The following ZFR variants were observed in gnomAD, a reference collection of about 807,000 sequenced individuals.
ZFR encodes zinc finger RNA-binding protein.
A neutral mutation model predicts 130.7 loss-of-function variants in ZFR; 19 were observed. That is an observed-to-expected ratio of 0.15 (90% CI 0.10 to 0.21). ZFR has a LOEUF of 0.21. Ranked by LOEUF, ZFR falls within the 10% of genes least tolerant of loss-of-function variation. ZFR has a pLI of 1.00. For synonymous variants in ZFR, 466 were observed against 456.9 expected (o/e 1.02, Z -0.25); for missense variants, 872 against 1,321.5 (o/e 0.66, Z 5.27).
At chr5:32,442,516 C>T (rs1232425245) in intron 2 of ZFR, among the ~76,000 whole-genome samples, 2 of 152,228 alleles carry the variant, frequency 1.3e-5, no homozygotes, top group Non-Finnish European at 2.9e-5. Context: ...AAACGATTTG[C>T]TAATACTTGA....
intron 2 of ZFR, among the ~76,000 whole-genome samples, chr5:32,431,747 C>T (rs1293211951): frequency 7.1e-6 from 1 of 141,628 alleles, no homozygotes; most frequent in East Asian, 2.2e-4. Context: ...ATTTAAATGT[C>T]TTTAAATTAG....
chr5:32,402,881 C>T (rs1753491555), intron 8 of ZFR, among the ~76,000 whole-genome samples: 1 of 149,752 alleles, frequency 6.7e-6, no homozygotes, highest in Non-Finnish European at 1.5e-5. Context: ...TTTTAAATGA[C>T]TAGAGGAAGA....
chr5:32,413,372 T>C (rs564878832), intron 5 of ZFR, among the ~76,000 whole-genome samples: 2 of 152,322 alleles, frequency 1.3e-5, no homozygotes, highest in African/African-American at 4.8e-5. Flanking sequence ...AATGCATTTT[T>C]ATAAACCGTA....
At chr5:32,438,331 TTGG>T (rs1754389186) in intron 2 of ZFR, among the ~76,000 whole-genome samples, 5 of 144,332 alleles carry the variant, frequency 3.5e-5, no homozygotes, top group Non-Finnish European at 7.5e-5. Context: ...TGGCGCGATC[TTGG>T]CTCACCGCAA....
chr5:32,369,294 C>A (rs1581680519), intron 17 of ZFR, among the ~76,000 whole-genome samples: 2 of 152,020 alleles, frequency 1.3e-5, no homozygotes, highest in Non-Finnish European at 2.9e-5. Context: ...TCAGCAACAG[C>A]CGGGAGAACT....
At chr5:32,418,686 C>A (rs953502610) in intron 3 of ZFR, among the ~76,000 whole-genome samples, 1 of 152,134 alleles carries the variant, frequency 6.6e-6, no homozygotes, top group Admixed American at 6.5e-5. Flanking sequence ...CATTTAGTAA[C>A]CTGCCTAAAA....
chr5:32,399,725 A>G (rs1019304669), intron 9 of ZFR, among the ~76,000 whole-genome samples: 1 of 152,240 alleles, frequency 6.6e-6, no homozygotes, highest in East Asian at 1.9e-4. Context: ...TGAAGGATGT[A>G]TTACAAGAAT....
intron 17 of ZFR, among the ~76,000 whole-genome samples, chr5:32,367,233 A>T (rs1752566696): frequency 6.6e-6 from 1 of 152,002 alleles, no homozygotes; most frequent in African/African-American, 2.4e-5. Flanking sequence ...GAGGAGTTTG[A>T]GACCAGCCTG....
intron 10 of ZFR, among the ~76,000 whole-genome samples, chr5:32,396,329 G>C (rs1365771933): frequency 1.3e-5 from 2 of 151,998 alleles, no homozygotes; most frequent in Non-Finnish European, 2.9e-5. Flanking sequence ...TCTATGTTGG[G>C]GTTAAAAAGT....
At chr5:32,359,346 T>C (rs1752380777) in intron 19 of ZFR, among the ~76,000 whole-genome samples, 1 of 152,022 alleles carries the variant, frequency 6.6e-6, no homozygotes, top group Non-Finnish European at 1.5e-5. Context: ...ATCATTAGTG[T>C]CAGTGTATTT....
rs189220481 is a variant in ZFR at position 32,440,293 on chromosome 5, C to T, written c.137+3936G>A. 1.0e-3 allele frequency among the ~76,000 whole-genome samples: 153 copies of T among 152,252 alleles called. 1 individual carries two copies. The highest frequency in any genetic ancestry group is 3.5e-3 in the African/African-American group (147 of 41,536). ...CCTCAAATTAACATGCTATCAGAAACGTACACATGTAAACACATACAAACG... is the reference window on the plus strand; with the variant it reads ...CCTCAAATTAACATGCTATCAGAAATGTACACATGTAAACACATACAAACG... On this transcript the variant is annotated intron_variant, in intron 2 of 19. Coordinates refer to ENST00000265069, the MANE Select transcript of ZFR (RefSeq NM_016107.5).
intron 2 of ZFR, among the ~76,000 whole-genome samples, chr5:32,432,668 A>G (rs1165670813): frequency 1.3e-5 from 2 of 151,976 alleles, no homozygotes; most frequent in Non-Finnish European, 2.9e-5. Flanking sequence ...TGCTCCCATT[A>G]TCTTTGCAAT....
intron 19 of ZFR, 65 bp downstream of exon 19, chr5:32,363,875 TTAAGACAA>T: frequency 7.9e-7 from 1 of 1,267,170 alleles, no homozygotes; most frequent in African/African-American, 1.5e-5. Flanking sequence ...ATAATATTCC[TTAAGACAA>T]TAACAGAAAA....
intron 3 of ZFR, among the ~76,000 whole-genome samples, chr5:32,418,428 A>C (rs1753880639): frequency 6.6e-6 from 1 of 152,200 alleles, no homozygotes; most frequent in African/African-American, 2.4e-5. Context: ...AATATTACAA[A>C]AGAACACTTG....
rs1752275290 is a variant in ZFR at position 32,355,021 on chromosome 5, A to G, written c.*739T>C. 1 of 152,242 alleles carries G rather than the reference A, an allele frequency of 6.6e-6. No homozygotes were observed. Among genetic ancestry groups the G allele is most frequent in the Non-Finnish European group, 1.5e-5 (1 of 68,036 alleles). 9.4% of individuals were successfully genotyped at this position (152,242 alleles called of 1,614,324 possible). On this transcript the variant is annotated 3_prime_UTR_variant, in exon 20 of 20. Transcript: ENST00000265069. ...AACAAGAATGTCATGCATTTTTATT[A>G]TCAATTATGCAGAGGCTTTAAAACT...
At chr5:32,424,447 C>T (rs772584726) in intron 2 of ZFR, among the ~76,000 whole-genome samples, 2 of 150,904 alleles carry the variant, frequency 1.3e-5, no homozygotes, top group Non-Finnish European at 2.9e-5. Context: ...AGGAGAATGG[C>T]GTGAGCCCAG....
chr5:32,413,451 T>G (rs1334683917), intron 5 of ZFR, among the ~76,000 whole-genome samples: 1 of 152,126 alleles, frequency 6.6e-6, no homozygotes, highest in Non-Finnish European at 1.5e-5. Flanking sequence ...TGACAATTAG[T>G]GTCTAGGAGT....
At chr5:32,425,290 T>C (rs1754047569) in intron 2 of ZFR, among the ~76,000 whole-genome samples, 1 of 152,214 alleles carries the variant, frequency 6.6e-6, no homozygotes, top group African/African-American at 2.4e-5. Context: ...CCTGAGACCC[T>C]TTCAGGAGGT....
chr5:32,428,595 C>T (rs149340167), intron 2 of ZFR, among the ~76,000 whole-genome samples: 1 of 152,262 alleles, frequency 6.6e-6, no homozygotes, highest in African/African-American at 2.4e-5. Flanking sequence ...AATTATAGTA[C>T]GTTTAGCAGT....
Sources: gnomAD v4.1 joint callset for allele counts (sites outside exome capture counted in the v4.1 genomes callset) on GRCh38, gnomAD v4.1.1 for gene constraint, MANE v1.5 for transcripts, NCBI Gene and HGNC (gene_info 2026-07-23, HGNC 2026-07-21) for gene names.